The following DAB1 variants were observed in gnomAD, a reference collection of about 807,000 sequenced individuals.
DAB1 encodes disabled homolog 1.
Under a neutral mutation model 64.6 loss-of-function variants are expected in DAB1, and 15 were observed. That is an observed-to-expected ratio of 0.23 (90% confidence interval 0.16 to 0.36). The LOEUF is 0.36. Ranked by LOEUF, DAB1 falls within the 10% of genes least tolerant of loss-of-function variation. DAB1 has a pLI of 1.00. For missense variants in DAB1, 596 were observed against 706.7 expected (o/e 0.84, Z 1.78); for synonymous variants, 235 against 251.9 (o/e 0.93, Z 0.64).
chr1:57,580,405 C>T (rs1645299368), intron 7 of DAB1, among the ~76,000 whole-genome samples: 1 of 152,070 alleles, frequency 6.6e-6, no homozygotes, highest in Non-Finnish European at 1.5e-5. Flanking sequence ...TTCCTGATAC[C>T]ACCTGACACC....
At chr1:58,104,712 C>A (rs1651534114) in intron 5 of DAB1, among the ~76,000 whole-genome samples, 1 of 152,084 alleles carries the variant, frequency 6.6e-6, no homozygotes, top group African/African-American at 2.4e-5. Flanking sequence ...GATGAGATAG[C>A]TCACAAACAT....
intron 6 of DAB1, among the ~76,000 whole-genome samples, chr1:57,805,554 C>T (rs368394932): frequency 6.6e-6 from 1 of 152,064 alleles, no homozygotes; most frequent in East Asian, 1.9e-4. Flanking sequence ...GTTATAGATA[C>T]CTCTGTGTTG....
intron 5 of DAB1, chr1:58,048,422 T>C (rs1647387798): frequency 1.0e-6 from 1 of 955,198 alleles, no homozygotes; most frequent in South Asian, 1.3e-5. Flanking sequence ...ACCTCTATTG[T>C]TATAGCTGTC....
chr1:58,408,908 G>A (rs1644641635), intron 3 of DAB1, among the ~76,000 whole-genome samples: 1 of 152,140 alleles, frequency 6.6e-6, no homozygotes, highest in Non-Finnish European at 1.5e-5. Flanking sequence ...AACACACATA[G>A]AAGTCCCAGA....
intron 1 of DAB1, among the ~76,000 whole-genome samples, chr1:57,865,962 T>C (rs907531406): frequency 2.0e-5 from 3 of 152,268 alleles, no homozygotes; most frequent in Non-Finnish European, 1.5e-5. Flanking sequence ...AGCTTTCTGA[T>C]TCAAAGATGG....
At chr1:58,066,958 C>T (rs767310544) in intron 5 of DAB1, among the ~76,000 whole-genome samples, 1 of 152,200 alleles carries the variant, frequency 6.6e-6, no homozygotes, top group Non-Finnish European at 1.5e-5. Context: ...GGGCCTGCTC[C>T]GGCCTCGCCA....
intron 2 of DAB1, among the ~76,000 whole-genome samples, chr1:57,278,755 GC>G (rs1671666071): frequency 6.6e-6 from 1 of 152,138 alleles, no homozygotes; most frequent in Non-Finnish European, 1.5e-5. Flanking sequence ...TTCAAATTGC[GC>G]AAGGTGTTTA....
chr1:58,408,645 A>G (rs1466859978), intron 3 of DAB1, among the ~76,000 whole-genome samples: 1 of 152,216 alleles, frequency 6.6e-6, no homozygotes, highest in African/African-American at 2.4e-5. Context: ...AAGTGGAGAC[A>G]GGAAAAAAGA....
intron 1 of DAB1, among the ~76,000 whole-genome samples, chr1:57,302,981 T>C (rs968373074): frequency 1.3e-5 from 2 of 152,206 alleles, no homozygotes; most frequent in African/African-American, 4.8e-5. Flanking sequence ...TTAAATGATG[T>C]AATCCACATA....
chr1:57,609,909 T>C (rs1253063481), intron 7 of DAB1, among the ~76,000 whole-genome samples: 1 of 152,180 alleles, frequency 6.6e-6, no homozygotes, highest in Non-Finnish European at 1.5e-5. Context: ...AAAAATAACA[T>C]ACTCGACAAA....
rs747021990 is a variant in DAB1, at chr1:57,226,672, A to AAAAAATATATATATAT, written c.67+64291_67+64292insATATATATATATTTTT. ...GTCACTCAAAAGTGGTTAAAAAAAAAATATATATATATATATATATATATA... is the reference window on the plus strand; with the variant it reads ...GTCACTCAAAAGTGGTTAAAAAAAAAAAAAATATATATATATATATATATATATATATATATATATA... On this transcript the variant is annotated intron_variant, in intron 2 of 14. Coordinates refer to ENST00000371236, the MANE Select transcript of DAB1 (RefSeq NM_001365792.1). 5.1e-3 allele frequency among the ~76,000 whole-genome samples: 688 copies of AAAAAATATATATATAT among 135,844 alleles called. 10 individuals are homozygous for AAAAAATATATATATAT. The highest frequency in any genetic ancestry group is 0.02 in the African/African-American group (652 of 32,256). 89.1% of individuals were successfully genotyped at this position (135,844 alleles called of 152,430 possible).
At chr1:58,240,375 A>G (rs1275605426) in intron 4 of DAB1, among the ~76,000 whole-genome samples, 1 of 152,176 alleles carries the variant, frequency 6.6e-6, no homozygotes, top group African/African-American at 2.4e-5. Context: ...TAGAATAAGG[A>G]TATGGTGACA....
chr1:58,423,752 C>T (rs943666152), intron 3 of DAB1, among the ~76,000 whole-genome samples: 2 of 152,228 alleles, frequency 1.3e-5, no homozygotes, highest in African/African-American at 2.4e-5. Flanking sequence ...CCAGTAACAC[C>T]ACCATCTTCT....
intron 2 of DAB1, among the ~76,000 whole-genome samples, chr1:57,207,739 C>T (rs745844451): frequency 1.1e-4 from 16 of 152,126 alleles, no homozygotes; most frequent in Non-Finnish European, 2.1e-4. Flanking sequence ...CCACCGCGCC[C>T]GGCACCTTAT....
At chr1:57,141,034 T>C (rs1477126015) in intron 3 of DAB1, among the ~76,000 whole-genome samples, 1 of 152,152 alleles carries the variant, frequency 6.6e-6, no homozygotes, top group Non-Finnish European at 1.5e-5. Context: ...TATGTGTAAA[T>C]GCAGCAGGCT....
At chr1:57,624,904 A>G (rs1016200617) in intron 7 of DAB1, among the ~76,000 whole-genome samples, 4 of 152,228 alleles carry the variant, frequency 2.6e-5, no homozygotes, top group African/African-American at 9.6e-5. Context: ...GGTTAAATAC[A>G]TAGTCTATAG....
intron 3 of DAB1, among the ~76,000 whole-genome samples, chr1:58,491,407 C>T (rs1221051165): frequency 6.6e-6 from 1 of 152,130 alleles, no homozygotes; most frequent in Non-Finnish European, 1.5e-5. Context: ...CAAATTCACA[C>T]ATAACAATAT....
At chr1:58,377,175 T>C (rs1224625850) in intron 3 of DAB1, among the ~76,000 whole-genome samples, 1 of 151,036 alleles carries the variant, frequency 6.6e-6, no homozygotes, top group African/African-American at 2.4e-5. Context: ...TTTAGTCCAT[T>C]TACAATTAAA....
chr1:58,433,837 T>C (rs1644912423), intron 3 of DAB1, among the ~76,000 whole-genome samples: 1 of 152,058 alleles, frequency 6.6e-6, no homozygotes, highest in Admixed American at 6.6e-5. Context: ...ATTGTTGTAT[T>C]GGGTATAAAT....
Sources: gnomAD v4.1 joint callset for allele counts (sites outside exome capture counted in the v4.1 genomes callset) on GRCh38, gnomAD v4.1.1 for gene constraint, MANE v1.5 for transcripts, NCBI Gene and HGNC (gene_info 2026-07-23, HGNC 2026-07-21) for gene names.